The following STAC variants were observed in gnomAD, a reference collection of about 807,000 sequenced individuals.
STAC encodes the protein SH3 and cysteine-rich domain-containing protein.
In STAC, 43 loss-of-function variants were observed where a neutral mutation model predicts 48.8. That is an observed-to-expected ratio of 0.88 (90% CI 0.69 to 1.14). The LOEUF (loss-of-function observed/expected upper bound fraction) is 1.14. STAC is among the 50% of genes most tolerant of loss of function. The pLI is 0.00. For synonymous variants in STAC, 193 were observed against 179.5 expected, an observed-to-expected ratio of 1.07 and a Z score of -0.60; for missense variants, 497 against 504.0, an observed-to-expected ratio of 0.99 and a Z score of 0.13.
chr3:36,432,971 A>G (rs1700741608), intron 1 of STAC, among the ~76,000 whole-genome samples: 1 of 152,214 alleles, frequency 6.6e-6, no homozygotes, highest in South Asian at 2.1e-4. Context: ...TTGGTAGTAA[A>G]TTAATATAAT....
intron 8 of STAC, among the ~76,000 whole-genome samples, chr3:36,525,155 A>G (rs979029593): frequency 3.3e-5 from 5 of 152,198 alleles, no homozygotes; most frequent in African/African-American, 4.8e-5. Context: ...GAGTAAACCC[A>G]GTGCCTAGTA....
intron 1 of STAC, among the ~76,000 whole-genome samples, chr3:36,395,276 G>A (rs1033923095): frequency 1.3e-5 from 2 of 152,164 alleles, no homozygotes; most frequent in Non-Finnish European, 2.9e-5. Context: ...GAAAGGTGAG[G>A]ATAAGAGAAG....
At chr3:36,490,694 G>A (rs1262146601) in intron 5 of STAC, among the ~76,000 whole-genome samples, 4 of 152,020 alleles carry the variant, frequency 2.6e-5, no homozygotes, top group Admixed American at 1.3e-4. Context: ...AGACCTCCTT[G>A]GAAACATTCC....
intron 1 of STAC, among the ~76,000 whole-genome samples, chr3:36,437,877 C>A (rs1177982797): frequency 7.3e-5 from 11 of 149,678 alleles, no homozygotes; most frequent in Non-Finnish European, 1.5e-4. Flanking sequence ...ACTGCCGTAG[C>A]CCCCAAATCA....
intron 2 of STAC, among the ~76,000 whole-genome samples, chr3:36,444,894 G>A (rs1250666075): frequency 3.9e-5 from 6 of 152,228 alleles, no homozygotes; most frequent in East Asian, 1.9e-4. Flanking sequence ...TTGCTGGGCC[G>A]GGGGCGATGG....
intron 2 of STAC, among the ~76,000 whole-genome samples, chr3:36,480,755 T>C (rs986897902): frequency 2.6e-5 from 4 of 152,228 alleles, no homozygotes; most frequent in Admixed American, 6.5e-5. Context: ...TATTTATGCA[T>C]CGTTGATTAA....
At chr3:36,479,734 T>C (rs1462790329) in intron 2 of STAC, among the ~76,000 whole-genome samples, 1 of 152,198 alleles carries the variant, frequency 6.6e-6, no homozygotes, top group Non-Finnish European at 1.5e-5. Flanking sequence ...TGAGACAGAT[T>C]CAAATTTAAA....
chr3:36,465,266 A>C (rs1697136389), intron 2 of STAC, among the ~76,000 whole-genome samples: 1 of 152,160 alleles, frequency 6.6e-6, no homozygotes, highest in Non-Finnish European at 1.5e-5. Flanking sequence ...TCTTCTCTAG[A>C]GAGCTGTCTA....
intron 1 of STAC, among the ~76,000 whole-genome samples, chr3:36,421,515 G>A (rs950784187): frequency 6.6e-6 from 1 of 152,014 alleles, no homozygotes; most frequent in Non-Finnish European, 1.5e-5. Flanking sequence ...GGTAGGAAAA[G>A]AGATGTCTCT....
chr3:36,483,519 C>A (rs972017599), intron 3 of STAC, among the ~76,000 whole-genome samples: 8 of 152,112 alleles, frequency 5.3e-5, no homozygotes, highest in African/African-American at 1.7e-4. Flanking sequence ...GCTAAGCCCC[C>A]ACAAAAGAGG....
intron 1 of STAC, among the ~76,000 whole-genome samples, chr3:36,417,263 A>G (rs1559483446): frequency 6.6e-6 from 1 of 152,170 alleles, no homozygotes; most frequent in Non-Finnish European, 1.5e-5. Flanking sequence ...TCTAAGTTTA[A>G]GATGTTTTTC....
At chr3:36,421,415 CTT>C (rs1011768072) in intron 1 of STAC, among the ~76,000 whole-genome samples, 4 of 152,030 alleles carry the variant, frequency 2.6e-5, no homozygotes, top group Non-Finnish European at 5.9e-5. Context: ...AGGAGAGTCT[CTT>C]TTGAAGAATT....
intron 1 of STAC, among the ~76,000 whole-genome samples, chr3:36,410,191 AT>A (rs1247831588): frequency 6.6e-6 from 1 of 151,988 alleles, no homozygotes; most frequent in Non-Finnish European, 1.5e-5. Flanking sequence ...AATGTAACGC[AT>A]TTTCTGTGTA....
intron 1 of STAC, among the ~76,000 whole-genome samples, chr3:36,411,283 A>T (rs533724652): frequency 6.6e-6 from 1 of 152,338 alleles, no homozygotes; most frequent in South Asian, 2.1e-4. Context: ...ATAAGTCAGT[A>T]CAAATCTTTT....
chr3:36,468,220 T>C (rs1253401620), intron 2 of STAC, among the ~76,000 whole-genome samples: 1 of 152,034 alleles, frequency 6.6e-6, no homozygotes, highest in Non-Finnish European at 1.5e-5. Context: ...GAGAGAGTAC[T>C]TGATATAGTT....
At chr3:36,424,392 C>T (rs1700516646) in intron 1 of STAC, among the ~76,000 whole-genome samples, 1 of 151,978 alleles carries the variant, frequency 6.6e-6, no homozygotes, top group Non-Finnish European at 1.5e-5. Flanking sequence ...TTGATATGAA[C>T]CCTTGGTTTT....
intron 8 of STAC, among the ~76,000 whole-genome samples, chr3:36,524,465 G>A (rs1039385765): frequency 2.0e-5 from 3 of 152,038 alleles, no homozygotes; most frequent in Middle Eastern, 3.4e-3. Context: ...GGTAGCGGGC[G>A]CCTTTCTTCC....
chr3:36,443,179 C>T lies in STAC; in HGVS notation c.112-185C>T, dbSNP rs58225685. On this transcript the variant is annotated intron_variant, in intron 1 of 10. Transcript: ENST00000273183. This position sits in a 1 kb window ranked among gnomAD's most constrained non-coding sequence, Gnocchi z 4.2. ...TGCTCATCTGGCTTAGTGGCAGGGG[C>T]GGGGGAAATTCCCTCTTTACTAGGC... Among the ~76,000 whole-genome samples the T allele has an allele frequency of 0.013, 2,017 of 151,992 alleles. 20 individuals carry two copies. The highest frequency in any genetic ancestry group is 0.016 in the Non-Finnish European group (1,080 of 67,920).
chr3:36,452,897 G>A (rs1322648487), intron 2 of STAC, among the ~76,000 whole-genome samples: 1 of 152,226 alleles, frequency 6.6e-6, no homozygotes, highest in African/African-American at 2.4e-5. Context: ...TGACTCTTCA[G>A]TTGTAGGTGG....
Sources: gnomAD v4.1 joint callset for allele counts (sites outside exome capture counted in the v4.1 genomes callset) on GRCh38, gnomAD v4.1.1 for gene constraint, Gnocchi (gnomAD v3.1) non-coding constraint, MANE v1.5 for transcripts, NCBI Gene and HGNC (gene_info 2026-07-23, HGNC 2026-07-21) for gene names.